THSD4: variants seen among roughly 807,000 people sequenced by gnomAD.
THSD4 encodes thrombospondin type 1 domain containing 4, also known as thrombospondin type-1 domain-containing protein 4.
A neutral mutation model predicts 119.0 loss-of-function variants in THSD4; 69 were observed. The observed-to-expected ratio is 0.58, with a 90% CI of 0.48 to 0.71. The LOEUF is 0.71. Ranked by LOEUF, THSD4 falls within the 30% of genes least tolerant of loss-of-function variation. THSD4 has a pLI of 0.00. For synonymous variants in THSD4, 524 were observed against 540.4 expected (o/e 0.97, Z 0.42); for missense variants, 1,393 against 1,391.1 (o/e 1.00, Z -0.02).
chr15:71,600,771 T>G lies in THSD4; in HGVS notation c.1153-59759T>G, dbSNP rs551575056. Among the ~76,000 whole-genome samples the G allele has an allele frequency of 2.6e-5, 4 of 151,062 alleles. No homozygotes were observed. The East Asian group carries it at 7.8e-4, about 29-fold the overall frequency. ...TTCTTTTTTTTTTTGAGACAGAGTC[T>G]TGCTCTGTCGCCTAGGCTGGACTGG... On this transcript the variant is annotated intron_variant, in intron 7 of 17. Transcript: ENST00000261862.
chr15:71,450,436 T>C (rs957997361), intron 7 of THSD4, among the ~76,000 whole-genome samples: 2 of 152,030 alleles, frequency 1.3e-5, no homozygotes, highest in African/African-American at 4.8e-5. Flanking sequence ...AGAAGACACT[T>C]TGGGTTTGGG....
intron 2 of THSD4, among the ~76,000 whole-genome samples, chr15:71,146,045 A>G (rs2040657498): frequency 6.6e-6 from 1 of 152,244 alleles, no homozygotes; most frequent in South Asian, 2.1e-4. Context: ...TAAATTAATA[A>G]CTACCTTTTA....
At chr15:71,621,091 T>C (rs887871137) in intron 7 of THSD4, among the ~76,000 whole-genome samples, 1 of 152,198 alleles carries the variant, frequency 6.6e-6, no homozygotes, top group African/African-American at 2.4e-5. Flanking sequence ...CAAAGTACCA[T>C]GGATTATCAA....
intron 7 of THSD4, among the ~76,000 whole-genome samples, chr15:71,595,226 A>T (rs951690896): frequency 1.3e-5 from 2 of 152,182 alleles, no homozygotes; most frequent in African/African-American, 4.8e-5. Flanking sequence ...TGTGAATCCT[A>T]AAGATTTGTT....
At chr15:71,376,806 C>T (rs940294477) in intron 6 of THSD4, among the ~76,000 whole-genome samples, 7 of 152,138 alleles carry the variant, frequency 4.6e-5, no homozygotes, top group African/African-American at 1.7e-4. Context: ...AGAACTCATG[C>T]CGAGACATAT....
chr15:71,611,564 A>G (rs1043580811), intron 7 of THSD4, among the ~76,000 whole-genome samples: 1 of 152,246 alleles, frequency 6.6e-6, no homozygotes, highest in Admixed American at 6.5e-5. Context: ...GGGACCCCCA[A>G]AGAGCTCCCA....
chr15:71,679,503 C>T (rs548875647), intron 8 of THSD4, among the ~76,000 whole-genome samples: 4 of 152,120 alleles, frequency 2.6e-5, no homozygotes, highest in African/African-American at 9.7e-5. Flanking sequence ...TGTGGTTTGC[C>T]CACCCTTGTT....
intron 14 of THSD4, among the ~76,000 whole-genome samples, chr15:71,749,989 G>A (rs899352228): frequency 3.3e-5 from 5 of 152,168 alleles, no homozygotes; most frequent in South Asian, 4.2e-4. Context: ...TCGGCCTCCC[G>A]AAGCCCTGGA....
upstream of THSD4, among the ~76,000 whole-genome samples, chr15:71,113,037 A>G (rs1380513361): frequency 6.6e-6 from 1 of 152,106 alleles, no homozygotes; most frequent in Non-Finnish European, 1.5e-5. Flanking sequence ...AATGAAAAAA[A>G]AATTAGTCAA....
At chr15:71,455,712 A>G (rs1225753112) in intron 7 of THSD4, among the ~76,000 whole-genome samples, 1 of 152,202 alleles carries the variant, frequency 6.6e-6, no homozygotes, top group Non-Finnish European at 1.5e-5. Context: ...GCTGAGAGGT[A>G]GCAGGCAGAA....
rs573711691 is a variant in THSD4 at position 71,337,305 on chromosome 15, G to T, written c.1016-74382G>T. On this transcript the variant is annotated intron_variant, in intron 6 of 17. Coordinates refer to ENST00000261862, the MANE Select transcript of THSD4 (RefSeq NM_024817.3). ...CATGTGGTTGCATTCCAGTCCAGGG[G>T]GACCGAGGGTAGAGCCAGGCCCAAT... Among the ~76,000 whole-genome samples, 7 of 152,302 alleles carry T rather than the reference G, an allele frequency of 4.6e-5. No individual in the cohort carries two copies. The South Asian group carries it at 1.4e-3, about 32-fold the overall frequency.
At chr15:71,666,508 A>G (rs762040440) in intron 8 of THSD4, among the ~76,000 whole-genome samples, 9 of 152,168 alleles carry the variant, frequency 5.9e-5, no homozygotes, top group African/African-American at 1.2e-4. Context: ...TAGTCATACC[A>G]CACATATATA....
At chr15:71,410,454 G>A (rs538707682) in intron 6 of THSD4, among the ~76,000 whole-genome samples, 86 of 152,304 alleles carry the variant, frequency 5.6e-4, no homozygotes, top group Non-Finnish European at 1.0e-3. Flanking sequence ...AGCCAAGTGA[G>A]GGAAGGAACA....
At chr15:71,643,929 T>A (rs557224116) in intron 7 of THSD4, among the ~76,000 whole-genome samples, 8 of 152,240 alleles carry the variant, frequency 5.3e-5, no homozygotes, top group Non-Finnish European at 8.8e-5. Context: ...AATGCAGAGA[T>A]GTCTGGTGTG....
chr15:71,574,042 A>G (rs977196780), intron 7 of THSD4, among the ~76,000 whole-genome samples: 1 of 152,202 alleles, frequency 6.6e-6, no homozygotes, highest in Non-Finnish European at 1.5e-5. Context: ...CATAATTTCA[A>G]TTCTTGAGAA....
intron 8 of THSD4, among the ~76,000 whole-genome samples, chr15:71,684,257 T>G (rs553015157): frequency 6.6e-6 from 1 of 152,300 alleles, no homozygotes; most frequent in East Asian, 1.9e-4. Context: ...CTTTTATAAA[T>G]TCTGAGTAAT....
At chr15:71,484,042 T>C (rs2047776547) in intron 7 of THSD4, among the ~76,000 whole-genome samples, 1 of 152,224 alleles carries the variant, frequency 6.6e-6, no homozygotes, top group Non-Finnish European at 1.5e-5. Context: ...GGAAACGGCC[T>C]TTCAAATATA....
intron 6 of THSD4, among the ~76,000 whole-genome samples, chr15:71,369,945 G>GA (rs2046020687): frequency 1.3e-5 from 2 of 152,058 alleles, no homozygotes; most frequent in Non-Finnish European, 2.9e-5. Context: ...ATTACTTAGT[G>GA]CCTCAATTTC....
intron 7 of THSD4, among the ~76,000 whole-genome samples, chr15:71,570,906 G>A (rs1038030499): frequency 8.5e-5 from 13 of 152,134 alleles, no homozygotes; most frequent in African/African-American, 2.9e-4. Context: ...TACACTCCAG[G>A]GTGTTCCCAG....
Sources: allele counts gnomAD v4.1 joint callset (sites outside exome capture counted in the v4.1 genomes callset), GRCh38; gene constraint gnomAD v4.1.1; transcripts MANE v1.5; gene names NCBI Gene and HGNC (gene_info 2026-07-23, HGNC 2026-07-21).